Variants in TENM3 observed in about 807,000 individuals in gnomAD.
TENM3 encodes the protein teneurin-3.
A neutral mutation model predicts 255.1 loss-of-function variants in TENM3; 63 were observed. The ratio of observed to expected loss-of-function variants is 0.25; its 90% CI spans 0.20 to 0.30. The LOEUF is 0.30. TENM3 is among the 10% of genes least tolerant of loss of function. TENM3 has a pLI of 1.00. For missense variants in TENM3, 2,929 were observed against 3,461.1 expected (o/e 0.85, Z 3.86); for synonymous variants, 1,306 against 1,322.3 (o/e 0.99, Z 0.27).
chr4:182,333,730 A>T (rs575842333), intron 2 of TENM3, among the ~76,000 whole-genome samples: 7 of 152,332 alleles, frequency 4.6e-5, no homozygotes, highest in Admixed American at 2.6e-4. Context: ...TAGCAATTGT[A>T]ATAAGAAAAT....
At chr4:181,560,783 C>G in the TENM3 span, among the ~76,000 whole-genome samples, 2 of 152,056 alleles carry the variant, frequency 1.3e-5, no homozygotes, top group African/African-American at 4.8e-5. Flanking sequence ...GAAGGCGTGC[C>G]CAGCACCCCG....
intron 1 of TENM3, among the ~76,000 whole-genome samples, chr4:182,294,761 T>G (rs1457618308): frequency 1.3e-5 from 2 of 152,188 alleles, no homozygotes; most frequent in African/African-American, 4.8e-5. Flanking sequence ...TGGATATGGA[T>G]CCCACGTATA....
intron 3 of TENM3, among the ~76,000 whole-genome samples, chr4:182,387,690 T>C (rs898157150): frequency 2.0e-5 from 3 of 151,774 alleles, no homozygotes; most frequent in African/African-American, 7.3e-5. Flanking sequence ...ACGCGCTGCC[T>C]TAAGAGCTGT....
chr4:181,550,053 T>C, the TENM3 span, among the ~76,000 whole-genome samples: 3 of 152,330 alleles, frequency 2.0e-5, no homozygotes, highest in East Asian at 5.8e-4. Context: ...AATAAAGTGT[T>C]AGATAACACT....
the TENM3 span, among the ~76,000 whole-genome samples, chr4:182,088,404 G>A: frequency 6.6e-6 from 1 of 152,100 alleles, no homozygotes; most frequent in Non-Finnish European, 1.5e-5. Context: ...GAGGCAGGAA[G>A]GCAGATAAAG....
At chr4:182,769,496 G>A (rs1290496840) in intron 22 of TENM3, among the ~76,000 whole-genome samples, 3 of 152,148 alleles carry the variant, frequency 2.0e-5, no homozygotes, top group Non-Finnish European at 4.4e-5. Context: ...TTAAAGAGCA[G>A]TCCTAGGCCG....
At chr4:181,695,629 T>G in the TENM3 span, among the ~76,000 whole-genome samples, 1 of 152,176 alleles carries the variant, frequency 6.6e-6, no homozygotes, top group African/African-American at 2.4e-5. Flanking sequence ...CTGAGCTTCC[T>G]TATCCATTTT....
chr4:182,377,454 T>G (rs895591048), intron 3 of TENM3, among the ~76,000 whole-genome samples: 1 of 152,052 alleles, frequency 6.6e-6, no homozygotes, highest in South Asian at 2.1e-4. Context: ...GCTGGTATTA[T>G]AGGCATCCAC....
chr4:182,100,500 C>CACACACATATATAT, the TENM3 span, among the ~76,000 whole-genome samples: 18 of 138,172 alleles, frequency 1.3e-4, no homozygotes, highest in South Asian at 4.6e-4. Flanking sequence ...TATATACACA[C>CACACACATATATAT]ACACACATAT....
rs775549805 is a variant in TENM3 at position 182,653,886 on chromosome 4, A to G, written c.1104A>G (p.Gly368=). 6 of 1,608,948 alleles carry G rather than the reference A, an allele frequency of 3.7e-6. No homozygotes were observed. The East Asian group carries it at 9.0e-5, about 24-fold the overall frequency. The change falls in exon 6 of 28, where the codon GGA becomes GGG. Residue 368 remains glycine (G), a synonymous_variant. Transcript: ENST00000511685. ...CAAACACTGTGTCATTACCTTCTGG[A>G]GACAATGGTAAGCGAAAGAATTATG... ...MPTNTVSLPS[G]DNGKLGGFTQ...
the TENM3 span, among the ~76,000 whole-genome samples, chr4:181,495,333 C>T: frequency 7.9e-5 from 12 of 152,234 alleles, no homozygotes; most frequent in African/African-American, 1.4e-4. Context: ...ATGCCTACAA[C>T]GTTCTGGAGG....
intron 3 of TENM3, among the ~76,000 whole-genome samples, chr4:182,442,786 A>ATG (rs750639444): frequency 0.052 from 7,745 of 148,236 alleles, 573 homozygotes; most frequent in African/African-American, 0.17. Flanking sequence ...GTGTGTACAT[A>ATG]TGTGTGTGTG....
intron 3 of TENM3, among the ~76,000 whole-genome samples, chr4:182,488,480 A>G (rs1734967416): frequency 2.6e-5 from 4 of 152,274 alleles, no homozygotes; most frequent in Admixed American, 2.6e-4. Flanking sequence ...CTGCATACAA[A>G]TAGAGATATT....
chr4:182,601,623 C>G (rs2152413810), intron 4 of TENM3, among the ~76,000 whole-genome samples: 1 of 152,234 alleles, frequency 6.6e-6, no homozygotes, highest in Admixed American at 6.5e-5. Flanking sequence ...AACACTTAAG[C>G]ACAAATCAGA....
chr4:182,348,070 A>T (rs1480729300), intron 3 of TENM3, among the ~76,000 whole-genome samples: 1 of 152,160 alleles, frequency 6.6e-6, no homozygotes, highest in Non-Finnish European at 1.5e-5. Flanking sequence ...CTTTCTATTC[A>T]TGAAAAAAGG....
At chr4:182,656,720 T>G (rs1174271508) in intron 6 of TENM3, among the ~76,000 whole-genome samples, 1 of 152,252 alleles carries the variant, frequency 6.6e-6, no homozygotes, top group Non-Finnish European at 1.5e-5. Flanking sequence ...GTAATACTCT[T>G]ACTTGTGCAG....
chr4:181,991,164 CA>C, the TENM3 span, among the ~76,000 whole-genome samples: 1 of 152,140 alleles, frequency 6.6e-6, no homozygotes, highest in South Asian at 2.1e-4. Flanking sequence ...AACTACTCAA[CA>C]ACATATGTTT....
At chr4:181,490,169 A>G in the TENM3 span, among the ~76,000 whole-genome samples, 1 of 152,208 alleles carries the variant, frequency 6.6e-6, no homozygotes. Context: ...TGTTAGGAAC[A>G]TTCTAATTTC....
At chr4:181,570,056 T>TG in the TENM3 span, among the ~76,000 whole-genome samples, 1 of 140,396 alleles carries the variant, frequency 7.1e-6, no homozygotes, top group Non-Finnish European at 1.5e-5. Flanking sequence ...TTTTTTTTTT[T>TG]GAGACGGAGT....
Sources: allele counts gnomAD v4.1 joint callset (sites outside exome capture counted in the v4.1 genomes callset), GRCh38; gene constraint gnomAD v4.1.1; transcripts MANE v1.5; gene names NCBI Gene and HGNC (gene_info 2026-07-23, HGNC 2026-07-21).